The following MCUB variants were observed in gnomAD, a reference collection of about 807,000 sequenced individuals.
MCUB encodes the protein calcium uniporter regulatory subunit MCUb, mitochondrial.
MCUB carries 46 observed loss-of-function variants against 41.4 expected under a neutral mutation model. That is an observed-to-expected ratio of 1.11 (90% CI 0.88 to 1.42). MCUB has a LOEUF of 1.42. Ranked by LOEUF, MCUB falls within the 40% of genes most tolerant of loss-of-function variation. The pLI is 0.00. For synonymous variants in MCUB, 148 were observed against 148.2 expected (o/e 1.00, Z 0.01); for missense variants, 403 against 404.9 (o/e 1.00, Z 0.04).
chr4:109,687,423 G>C (rs1729871963), intron 7 of MCUB, 92 bp from the exon 8 acceptor site: 2 of 824,346 alleles, frequency 2.4e-6, no homozygotes, highest in African/African-American at 1.7e-5. Flanking sequence ...TTGCTGTAAG[G>C]AGACGCTAAG....
intron 1 of MCUB, among the ~76,000 whole-genome samples, chr4:109,580,279 T>C (rs1340158167): frequency 1.3e-5 from 2 of 152,200 alleles, no homozygotes; most frequent in East Asian, 1.9e-4. Context: ...CAGTCTATCA[T>C]TGATGGACAT....
chr4:109,674,553 C>T (rs1380306193), intron 4 of MCUB, among the ~76,000 whole-genome samples: 1 of 152,164 alleles, frequency 6.6e-6, no homozygotes, highest in Non-Finnish European at 1.5e-5. Context: ...CTGGCTGACT[C>T]TGTTAGAACT....
chr4:109,599,735 C>T (rs548672324), intron 1 of MCUB, among the ~76,000 whole-genome samples: 5 of 152,044 alleles, frequency 3.3e-5, no homozygotes, highest in Admixed American at 6.5e-5. Context: ...GTGGCACAAT[C>T]TTGGCTCACT....
At chr4:109,635,846 G>A (rs1472963587) in intron 1 of MCUB, among the ~76,000 whole-genome samples, 2 of 152,198 alleles carry the variant, frequency 1.3e-5, no homozygotes, top group Admixed American at 6.5e-5. Flanking sequence ...TTGTACTGAT[G>A]ATGAAGATTT....
At chr4:109,664,945 A>T (rs1230070247) in intron 4 of MCUB, among the ~76,000 whole-genome samples, 1 of 14,286 alleles carries the variant, frequency 7.0e-5, no homozygotes, top group Non-Finnish European at 1.3e-4. Flanking sequence ...AACTCTTGTA[A>T]AAAAAAAAAA....
chr4:109,581,112 C>T (rs939216480), intron 1 of MCUB, among the ~76,000 whole-genome samples: 3 of 152,178 alleles, frequency 2.0e-5, no homozygotes, highest in African/African-American at 7.2e-5. Flanking sequence ...AGGCATCATG[C>T]GACCTGACTT....
intron 4 of MCUB, among the ~76,000 whole-genome samples, chr4:109,675,745 T>G (rs150249798): frequency 1.9e-3 from 296 of 152,322 alleles, no homozygotes; most frequent in African/African-American, 7.0e-3. Context: ...AATGCCATTT[T>G]CACTGGAGAG....
intron 1 of MCUB, among the ~76,000 whole-genome samples, chr4:109,611,873 C>T (rs1171813680): frequency 1.3e-5 from 2 of 152,168 alleles, no homozygotes. Flanking sequence ...AAATAAAGCC[C>T]TATGATGATG....
chr4:109,601,619 ACTTT>A (rs1727747603), intron 1 of MCUB, among the ~76,000 whole-genome samples: 1 of 152,112 alleles, frequency 6.6e-6, no homozygotes, highest in South Asian at 2.1e-4. Context: ...TATATACCAC[ACTTT>A]CTTTATTCAT....
At chr4:109,601,004 A>G (rs1727720181) in intron 1 of MCUB, among the ~76,000 whole-genome samples, 1 of 152,204 alleles carries the variant, frequency 6.6e-6, no homozygotes, top group Non-Finnish European at 1.5e-5. Context: ...CATATTGGTC[A>G]GGATGATCTT....
At chr4:109,657,974 G>A (rs143941993) in intron 1 of MCUB, among the ~76,000 whole-genome samples, 26 of 152,298 alleles carry the variant, frequency 1.7e-4, no homozygotes, top group African/African-American at 5.1e-4. Flanking sequence ...GGTTCTGAAT[G>A]TTTGTGTACA....
At chr4:109,562,517 A>AT (rs1347109995) in intron 1 of MCUB, among the ~76,000 whole-genome samples, 1 of 152,100 alleles carries the variant, frequency 6.6e-6, no homozygotes, top group Non-Finnish European at 1.5e-5. Flanking sequence ...CTATCGGGAC[A>AT]TTTTTCATTC....
chr4:109,661,445 T>A (rs918888449), intron 3 of MCUB, among the ~76,000 whole-genome samples: 1 of 152,042 alleles, frequency 6.6e-6, no homozygotes, highest in South Asian at 2.1e-4. Flanking sequence ...AGTTGGAAAA[T>A]GGAGATTAAT....
intron 4 of MCUB, among the ~76,000 whole-genome samples, chr4:109,666,103 T>C (rs1284124245): frequency 6.6e-6 from 1 of 152,126 alleles, no homozygotes; most frequent in East Asian, 1.9e-4. Flanking sequence ...GTAATATGCA[T>C]TTAAGTTTCT....
At chr4:109,639,997 T>C (rs975183338) in intron 1 of MCUB, among the ~76,000 whole-genome samples, 2 of 152,176 alleles carry the variant, frequency 1.3e-5, no homozygotes, top group Non-Finnish European at 1.5e-5. Context: ...CAAGGCTGTT[T>C]ATTTCACCTG....
intron 1 of MCUB, among the ~76,000 whole-genome samples, chr4:109,598,169 C>T (rs1295844586): frequency 6.1e-5 from 9 of 147,860 alleles, no homozygotes; most frequent in Admixed American, 3.4e-4. Flanking sequence ...CAGGCAGAGA[C>T]GCTCCTCACT....
intron 1 of MCUB, among the ~76,000 whole-genome samples, chr4:109,587,062 A>G (rs1218048203): frequency 6.6e-6 from 1 of 152,200 alleles, no homozygotes; most frequent in Non-Finnish European, 1.5e-5. Context: ...CTGTTCCCAG[A>G]GGTGGAGTCT....
intron 1 of MCUB, among the ~76,000 whole-genome samples, chr4:109,598,141 T>G (rs1385771970): frequency 7.5e-6 from 1 of 134,144 alleles, no homozygotes; most frequent in Non-Finnish European, 1.6e-5. Flanking sequence ...GCTCCTCACA[T>G]CCCAGACGAT....
intron 1 of MCUB, among the ~76,000 whole-genome samples, chr4:109,654,152 T>C (rs1729025366): frequency 6.6e-6 from 1 of 152,174 alleles, no homozygotes; most frequent in Non-Finnish European, 1.5e-5. Context: ...CCTCATGTAT[T>C]CAAATTTTGG....
Sources: gnomAD v4.1 joint callset for allele counts (sites outside exome capture counted in the v4.1 genomes callset) on GRCh38, gnomAD v4.1.1 for gene constraint, MANE v1.5 for transcripts, NCBI Gene and HGNC (gene_info 2026-07-23, HGNC 2026-07-21) for gene names.